CABLES2: variants seen among roughly 807,000 people sequenced by gnomAD.
The protein encoded by CABLES2 is CDK5 and ABL1 enzyme substrate 2.
Under a neutral mutation model 44.8 loss-of-function variants are expected in CABLES2, and 35 were observed. That is an observed-to-expected ratio of 0.78 (90% CI 0.60 to 1.04). The LOEUF (loss-of-function observed/expected upper bound fraction) is 1.04, where lower values mean the gene tolerates loss of function less well. Ranked by LOEUF, CABLES2 falls within the 50% of genes least tolerant of loss-of-function variation. CABLES2 has a pLI of 0.00. For missense variants in CABLES2, 566 were observed against 615.7 expected (o/e 0.92, Z 0.85); for synonymous variants, 282 against 281.1 (o/e 1.00, Z -0.03).
intron 5 of CABLES2, 22 bp from the exon 6 acceptor site, chr20:62,393,627 G>A (rs2146419403): frequency 1.3e-6 from 2 of 1,551,142 alleles, no homozygotes; most frequent in East Asian, 4.6e-5. Context: ...AATGCATCTG[G>A]CCTCAGCTCT....
chr20:62,395,561 C>T (rs1210710156), intron 3 of CABLES2, among the ~76,000 whole-genome samples: 1 of 152,226 alleles, frequency 6.6e-6, no homozygotes, highest in Admixed American at 6.5e-5. Context: ...AGGCAGAAGC[C>T]ACTGTTTCTC....
At chr20:62,394,119 T>C in intron 5 of CABLES2, 38 bp downstream of exon 5, 1 of 1,553,998 alleles carries the variant, frequency 6.4e-7, no homozygotes, top group Non-Finnish European at 8.9e-7. Flanking sequence ...TGCCTGGCCC[T>C]GACGGCGCTG....
rs1318751178 is a variant in CABLES2 at position 62,396,128 on chromosome 20, C to T, written c.527+187G>A. ...GATCTCGCTGTGGTGACACCAGGGA[C>T]CTGCGGGTGCTCGGCTGATGTGGAG... On this transcript the variant is annotated intron_variant, in intron 3 of 9. Coordinates refer to ENST00000279101, the MANE Select transcript of CABLES2 (RefSeq NM_031215.3). The surrounding 1 kb of genome is among the most constrained non-coding windows in gnomAD (Gnocchi z 5.7). Among the ~76,000 whole-genome samples the T allele has an allele frequency of 6.6e-6, 1 of 152,160 alleles. No individual in the cohort carries two copies. Among genetic ancestry groups the T allele is most frequent in the Admixed American group, 6.5e-5 (1 of 15,282 alleles).
At chr20:62,398,199 G>GGGA (rs1988109239) in intron 1 of CABLES2, among the ~76,000 whole-genome samples, 1 of 56,114 alleles carries the variant, frequency 1.8e-5, no homozygotes, top group Non-Finnish European at 3.0e-5. Flanking sequence ...GGTGATGATG[G>GGGA]TGGTGATGGT....
Position 62,391,410 on chromosome 20 carries a change from C to G in CABLES2, c.1135G>C (p.Glu379Gln). The G allele has an allele frequency of 1.9e-6, 3 of 1,613,332 alleles. No individual in the cohort carries two copies. The highest frequency in any genetic ancestry group is 2.5e-6 in the Non-Finnish European group (3 of 1,180,016). The change falls in exon 9 of 10, where the codon GAG becomes CAG. Residue 379 changes from glutamate to glutamine, a missense_variant. Physicochemically the swap from Glu to Gln is conservative, Grantham distance 29. Transcript: ENST00000279101. The surrounding 1 kb of genome is among the most constrained non-coding windows in gnomAD (Gnocchi z 5.7). ...TAGGCCATGGCCACCGTCACGGGCT[C>G]CAGGCTGCACTCCTCCGACAGGCTC... ...MRSLSEECSLEPVTVAMAYVY... is the reference protein window; with the variant it reads ...MRSLSEECSLQPVTVAMAYVY...
chr20:62,398,193 ATGATGG>A lies in CABLES2; in HGVS notation c.363-1607_363-1602del, dbSNP rs756747098. 9.7e-3 allele frequency among the ~76,000 whole-genome samples: 289 copies of A among 29,900 alleles called. 6 individuals are homozygous for A. Among genetic ancestry groups the A allele is most frequent in the Admixed American group, 0.014 (42 of 3,078 alleles). 19.6% of individuals were successfully genotyped at this position (29,900 alleles called of 152,430 possible). The stretch of plus-strand genomic sequence containing the variant: ...GGTAATGGTGGTGGTGGTGATGGTG[ATGATGG>A]TGGTGATGGTGATGTGATGGTGGTG... On this transcript the variant is annotated intron_variant, in intron 1 of 9. Coordinates refer to ENST00000279101, the MANE Select transcript of CABLES2 (RefSeq NM_031215.3).
At position 62,388,838 on chromosome 20, in the gene CABLES2, C is replaced by T. The variant is rs1292387738; in HGVS notation, c.*2133G>A. 3.5e-6 allele frequency: 1 copy of T among 284,980 alleles called. No individual in the cohort carries two copies. The highest frequency in any genetic ancestry group is 8.8e-5 in the East Asian group (1 of 11,356). The allele number at this position is 284,980 out of a possible 1,614,324, so 17.7% of individuals were successfully genotyped here. On this transcript the variant is annotated 3_prime_UTR_variant, in exon 10 of 10. Coordinates refer to ENST00000279101, the MANE Select transcript of CABLES2 (RefSeq NM_031215.3). ...CTTAGCTCCGACACCTGGATGTGTT[C>T]TAGAGAATGACAGGCTGAGACTGTA...
In CABLES2 at chr20:62,391,239, G is replaced by T; in HGVS notation, c.1296+10C>A. 6.2e-7 allele frequency: 1 copy of T among 1,604,510 alleles called. No individual in the cohort carries two copies. Among genetic ancestry groups the T allele is most frequent in the South Asian group, 1.1e-5 (1 of 90,960 alleles). On this transcript the variant is annotated intron_variant, in intron 9 of 9. Transcript: ENST00000279101. The surrounding 1 kb of genome is among the most constrained non-coding windows in gnomAD (Gnocchi z 5.7). ...CCCTGCCTGCAGTGCCTGCCGAGCC[G>T]GGCACTCACATCGATGAGCTGCGTC... is the stretch of plus-strand genomic sequence containing the variant.
Position 62,390,892 on chromosome 20 carries a change from G to A in CABLES2, c.*79C>T. On this transcript the variant is annotated 3_prime_UTR_variant, in exon 10 of 10. Coordinates refer to ENST00000279101, the MANE Select transcript of CABLES2 (RefSeq NM_031215.3). ...GCAGGTGCTGGGGGTGCTGGCAGGA[G>A]GAGGCGCGGGGCTTCAGTGGGACAC... The A allele has an allele frequency of 6.4e-7, 1 of 1,559,618 alleles. No individual in the cohort carries two copies. The highest frequency in any genetic ancestry group is 8.8e-7 in the Non-Finnish European group (1 of 1,139,248).
intron 1 of CABLES2, among the ~76,000 whole-genome samples, chr20:62,399,632 G>T: frequency 7.6e-6 from 1 of 131,038 alleles, no homozygotes. Context: ...CTCACTCTGT[G>T]GCCCAGTCTA....
Position 62,406,954 on chromosome 20 carries a change from T to G in CABLES2, c.323A>C (p.Gln108Pro), listed in dbSNP as rs770166252. ...ATCCAGGCCGAGGCCGGTGGGCACC[T>G]GCGTGGGGCTGAGCAGGCCCTGGGG... ...PAPQGLLSPTQVPTGLGLDGQ... is the reference protein window; with the variant it reads ...PAPQGLLSPTPVPTGLGLDGQ... Residue 108 changes from glutamine to proline, a missense_variant, in exon 1 of 10, where the codon CAG becomes CCG. Gln to Pro is a moderately conservative substitution (Grantham distance 76). Transcript: ENST00000279101. 14 of 1,214,776 alleles carry G rather than the reference T, an allele frequency of 1.2e-5. No individual in the cohort carries two copies. In the East Asian group the frequency reaches 4.6e-4, roughly 40 times the overall value. The allele number at this position is 1,214,776 out of a possible 1,614,324, so 75.2% of individuals were successfully genotyped here. A position where few individuals can be genotyped will look rare whatever the true frequency, so the allele number is the denominator to read the frequency against.
intron 1 of CABLES2, chr20:62,403,208 T>C (rs1988220970): frequency 6.6e-6 from 1 of 152,232 alleles, no homozygotes; most frequent in South Asian, 2.1e-4. Context: ...AGGGCTGTTG[T>C]AGGTTGAAGG....
intron 1 of CABLES2, among the ~76,000 whole-genome samples, chr20:62,398,761 T>C (rs949287288): frequency 6.6e-6 from 1 of 152,230 alleles, no homozygotes; most frequent in Non-Finnish European, 1.5e-5. Context: ...CACAGTCCCA[T>C]GGTGGGTGCC....
chr20:62,405,409 G>T (rs1237949179), intron 1 of CABLES2: 1 of 152,296 alleles, frequency 6.6e-6, no homozygotes, highest in African/African-American at 2.4e-5. Context: ...CCATCCCTCT[G>T]CCCCAATCAT....
chr20:62,406,827 T>A, intron 1 of CABLES2, 88 bp downstream of exon 1: 2 of 753,272 alleles, frequency 2.7e-6, no homozygotes, highest in Non-Finnish European at 3.4e-6. Context: ...CCCCAAGTAA[T>A]CCTGACCCCT....
At position 62,406,674 on chromosome 20, in the gene CABLES2, C is replaced by G. The variant is rs532754442; in HGVS notation, c.362+241G>C. 3.3e-4 allele frequency among the ~76,000 whole-genome samples: 13 copies of G among 39,426 alleles called. No individual in the cohort carries two copies. The East Asian group carries it at 3.4e-3, about 10-fold the overall frequency. The allele number at this position is 39,426 out of a possible 152,430, so 25.9% of individuals were successfully genotyped here. ...CCAGACTGACCCTGACCCCTGTGTCCTGGGTTGACAGGGGCTCAGGTCACC... is the reference window on the plus strand; with the variant it reads ...CCAGACTGACCCTGACCCCTGTGTCGTGGGTTGACAGGGGCTCAGGTCACC... On this transcript the variant is annotated intron_variant, in intron 1 of 9. Coordinates refer to ENST00000279101, the MANE Select transcript of CABLES2 (RefSeq NM_031215.3).
At position 62,398,288 on chromosome 20, in the gene CABLES2, A is replaced by ACGG. The variant is rs1555890825; in HGVS notation, c.363-1697_363-1696insCCG. On this transcript the variant is annotated intron_variant, in intron 1 of 9. Coordinates refer to ENST00000279101, the MANE Select transcript of CABLES2 (RefSeq NM_031215.3). ...GGTGATGGCGGTGGTGGTGGTGGTG[A>ACGG]TGGTGGCGATGGTGATGACGGTGGT... Among the ~76,000 whole-genome samples, 22 of 59,272 alleles carry ACGG rather than the reference A, an allele frequency of 3.7e-4. No individual in the cohort carries two copies. The South Asian group carries it at 0.012, about 33-fold the overall frequency. 38.9% of individuals were successfully genotyped at this position (59,272 alleles called of 152,430 possible). A position where few individuals can be genotyped will look rare whatever the true frequency, so the allele number is the denominator to read the frequency against.
chr20:62,393,211 G>A (rs6061507), intron 6 of CABLES2, among the ~76,000 whole-genome samples, 188 bp from the exon 7 acceptor site: 5,133 of 152,354 alleles, frequency 0.034, 309 homozygotes, highest in African/African-American at 0.11. Flanking sequence ...GGCCCTCCCT[G>A]GAGTCATCTG....
intron 1 of CABLES2, among the ~76,000 whole-genome samples, chr20:62,397,391 C>A (rs936088676): frequency 6.6e-6 from 1 of 152,180 alleles, no homozygotes; most frequent in Non-Finnish European, 1.5e-5. Context: ...GTCCTTAGTG[C>A]CTGCCCTCCT....
Sources: allele counts gnomAD v4.1 joint callset (sites outside exome capture counted in the v4.1 genomes callset), GRCh38; gene constraint gnomAD v4.1.1; non-coding constraint Gnocchi (gnomAD v3.1); transcripts MANE v1.5; gene names NCBI Gene and HGNC (gene_info 2026-07-23, HGNC 2026-07-21).